TTC6: variants seen among roughly 807,000 people sequenced by gnomAD.
The protein encoded by TTC6 is tetratricopeptide repeat domain 6.
Under a neutral mutation model 210.4 loss-of-function variants are expected in TTC6, and 172 were observed. That is an observed-to-expected ratio of 0.82 (90% confidence interval 0.72 to 0.93). TTC6 has a LOEUF of 0.93. Ranked by LOEUF, TTC6 falls within the 40% of genes least tolerant of loss-of-function variation. The pLI is 0.00. For synonymous variants in TTC6, 804 were observed against 819.6 expected, an observed-to-expected ratio of 0.98 and a Z score of 0.32; for missense variants, 2,414 against 2,318.1, an observed-to-expected ratio of 1.04 and a Z score of -0.85.
chr14:37,696,781 C>G lies in TTC6; in HGVS notation c.1322C>G (p.Ser441Ter), dbSNP rs1472686298. 2 of 1,455,264 alleles carry G rather than the reference C, an allele frequency of 1.4e-6. No individual in the cohort carries two copies. Among genetic ancestry groups the G allele is most frequent in the East Asian group, 5.3e-5 (2 of 37,568 alleles). The allele number at this position is 1,455,264 out of a possible 1,614,324, so 90.1% of individuals were successfully genotyped here. ...ATTAAGCGAATGCGGAAACGTAAAT[C>G]ACTGAGACCAAGAAAGTCTTCAAAA... is the stretch of plus-strand genomic sequence containing the variant. Residue 441 changes from serine to a stop codon, truncating the protein, a stop_gained, in exon 4 of 31, where the codon TCA becomes TGA. Coordinates refer to ENST00000553443, the Ensembl canonical transcript of TTC6. LOFTEE classifies it high-confidence loss of function.
At chr14:37,829,466 T>G (rs549719622) in intron 29 of TTC6, among the ~76,000 whole-genome samples, 2 of 152,174 alleles carry the variant, frequency 1.3e-5, no homozygotes, top group East Asian at 3.9e-4. Flanking sequence ...CTTAGTTTAG[T>G]TTCTCTACTA....
At chr14:37,622,701 G>A (rs556134670) in exon 1 of TTC6, 16 of 1,535,086 alleles carry the variant, frequency 1.0e-5, no homozygotes, top group Admixed American at 3.9e-5. Flanking sequence ...CGCAGAGGAC[G>A]GCTACATGGA....
At position 37,787,454 on chromosome 14, in the gene TTC6, C is replaced by CT. The variant is rs765253678; in HGVS notation, c.3267-6dup. 4.6e-5 allele frequency: 68 copies of CT among 1,480,518 alleles called. No individual in the cohort carries two copies. The highest frequency in any genetic ancestry group is 1.0e-4 in the Admixed American group (5 of 47,714). The allele number at this position is 1,480,518 out of a possible 1,614,324, so 91.7% of individuals were successfully genotyped here. ...ACTTTACAGTACTTGTTAAAACAAA[C>CT]TTTTTTTTCCTAGGACATACCGAGG... On this transcript the variant is annotated splice_polypyrimidine_tract_variant and intron_variant, in intron 14 of 30. Transcript: ENST00000553443.
At chr14:37,839,031 A>G (rs918902283) in intron 29 of TTC6, among the ~76,000 whole-genome samples, 1 of 152,094 alleles carries the variant, frequency 6.6e-6, no homozygotes, top group African/African-American at 2.4e-5. Flanking sequence ...TATGTGCCAC[A>G]TTTGCTTTAT....
In TTC6 at chr14:37,638,094, A is replaced by G. The variant is rs1406150872; in HGVS notation, c.939+15091A>G. ...CTGTCAACAACCCAGATGTCCTTCA[A>G]GGGGTAAATGGATATATAACTTAGG... is the stretch of plus-strand genomic sequence containing the variant. On this transcript the variant is annotated intron_variant, in intron 1 of 30. Coordinates refer to ENST00000553443, the Ensembl canonical transcript of TTC6. Among the ~76,000 whole-genome samples the G allele has an allele frequency of 2.0e-5, 3 of 152,298 alleles. No homozygotes were observed. In the East Asian group the frequency reaches 5.8e-4, roughly 29 times the overall value.
At chr14:37,729,863 A>G (rs1018258445) in intron 7 of TTC6, among the ~76,000 whole-genome samples, 65 of 152,262 alleles carry the variant, frequency 4.3e-4, no homozygotes, top group African/African-American at 1.5e-3. Flanking sequence ...TGTTTATAGG[A>G]AAGTGTGAAT....
chr14:37,725,428 G>A (rs1413374887), intron 7 of TTC6, among the ~76,000 whole-genome samples: 4 of 147,112 alleles, frequency 2.7e-5, no homozygotes, highest in East Asian at 2.0e-4. Flanking sequence ...TTGGCTCACC[G>A]CAACCTCCGC....
At chr14:37,836,998 C>T (rs895965134) in intron 29 of TTC6, among the ~76,000 whole-genome samples, 5 of 152,130 alleles carry the variant, frequency 3.3e-5, no homozygotes, top group Non-Finnish European at 7.4e-5. Flanking sequence ...ACTGGATCTG[C>T]TTTTTAATTA....
At chr14:37,621,560 G>T (rs185049906), upstream of TTC6, among the ~76,000 whole-genome samples, 124 of 152,320 alleles carry the variant, frequency 8.1e-4, 2 homozygotes, top group Middle Eastern at 0.048. Context: ...ACTAAGCCAT[G>T]ATCATGCCAC....
intron 1 of TTC6, among the ~76,000 whole-genome samples, chr14:37,637,218 G>T (rs2139368276): frequency 6.6e-6 from 1 of 152,198 alleles, no homozygotes; most frequent in South Asian, 2.1e-4. Flanking sequence ...AAAACTTTCA[G>T]ACAAAAACAT....
intron 14 of TTC6, among the ~76,000 whole-genome samples, chr14:37,783,910 G>C (rs370566427): frequency 1.3e-5 from 2 of 152,180 alleles, no homozygotes; most frequent in African/African-American, 4.8e-5. Flanking sequence ...TTCAGGAGCA[G>C]GTTGTTCAGC....
intron 25 of TTC6, among the ~76,000 whole-genome samples, chr14:37,813,639 C>T (rs2096134806): frequency 6.6e-6 from 1 of 152,190 alleles, no homozygotes; most frequent in African/African-American, 2.4e-5. Flanking sequence ...GGTCTTTCCA[C>T]AGTAAGTACT....
At chr14:37,621,197 A>T (rs559197240), upstream of TTC6, among the ~76,000 whole-genome samples, 95 of 152,300 alleles carry the variant, frequency 6.2e-4, no homozygotes, top group South Asian at 1.7e-3. Flanking sequence ...TAGCCACAAG[A>T]ACTGGGATTT....
At chr14:37,772,950 G>T (rs1209800075) in intron 14 of TTC6, among the ~76,000 whole-genome samples, 2 of 152,082 alleles carry the variant, frequency 1.3e-5, no homozygotes, top group African/African-American at 2.4e-5. Flanking sequence ...ATTCTGACTG[G>T]TGTGAAATGG....
intron 1 of TTC6, among the ~76,000 whole-genome samples, chr14:37,661,156 A>G (rs1381197070): frequency 1.3e-5 from 2 of 152,126 alleles, no homozygotes; most frequent in Non-Finnish European, 2.9e-5. Context: ...CTCTGATGAC[A>G]GTTTCTTTTG....
chr14:37,793,892 TAAGAA>T (rs1443124464), intron 17 of TTC6, among the ~76,000 whole-genome samples: 2 of 152,090 alleles, frequency 1.3e-5, no homozygotes, highest in African/African-American at 4.8e-5. Flanking sequence ...TATTTTTAAG[TAAGAA>T]AAGTAGGGCT....
At chr14:37,729,466 C>G (rs566918376) in intron 7 of TTC6, among the ~76,000 whole-genome samples, 3 of 152,334 alleles carry the variant, frequency 2.0e-5, no homozygotes, top group East Asian at 1.9e-4. Flanking sequence ...TGCTCCAAGG[C>G]CATGCTTCCT....
intron 2 of TTC6, among the ~76,000 whole-genome samples, chr14:37,612,870 A>G (rs930415405): frequency 1.3e-5 from 2 of 152,216 alleles, no homozygotes; most frequent in African/African-American, 2.4e-5. Flanking sequence ...CTCTTAGTAC[A>G]TATAGATTTT....
chr14:37,708,941 G>GC (rs1566902346), intron 5 of TTC6, among the ~76,000 whole-genome samples: 1 of 151,898 alleles, frequency 6.6e-6, no homozygotes, highest in Non-Finnish European at 1.5e-5. Flanking sequence ...ATCACTGGTT[G>GC]CCCCCCACCC....
Sources: gnomAD v4.1 joint callset for allele counts (sites outside exome capture counted in the v4.1 genomes callset) on GRCh38, gnomAD v4.1.1 for gene constraint, MANE v1.5 for transcripts, NCBI Gene and HGNC (gene_info 2026-07-23, HGNC 2026-07-21) for gene names.